PARP8: variants seen among roughly 807,000 people sequenced by gnomAD.
PARP8 encodes poly(ADP-ribose) polymerase family member 8.
In PARP8, 51 loss-of-function variants were observed where a neutral mutation model predicts 124.1. The observed-to-expected ratio is 0.41, with a 90% CI of 0.33 to 0.52. The LOEUF (loss-of-function observed/expected upper bound fraction) is 0.52. Ranked by LOEUF, PARP8 falls within the 20% of genes least tolerant of loss-of-function variation. The pLI is 0.21. For missense variants in PARP8, 860 were observed against 1,018.9 expected (o/e 0.84, Z 2.12); for synonymous variants, 391 against 361.5 (o/e 1.08, Z -0.93).
intron 7 of PARP8, among the ~76,000 whole-genome samples, chr5:50,766,286 T>C (rs1412876528): frequency 1.3e-5 from 2 of 152,196 alleles, no homozygotes; most frequent in African/African-American, 4.8e-5. Flanking sequence ...GTGAGTTAGG[T>C]CTTGGGGCAA....
intron 25 of PARP8, among the ~76,000 whole-genome samples, chr5:50,837,793 A>G (rs2149728306): frequency 6.6e-6 from 1 of 152,094 alleles, no homozygotes; most frequent in South Asian, 2.1e-4. Context: ...GAAGATATCA[A>G]TTAAAAAAAA....
chr5:50,756,161 A>G (rs1427914254), intron 3 of PARP8, among the ~76,000 whole-genome samples: 2 of 152,084 alleles, frequency 1.3e-5, no homozygotes, highest in Non-Finnish European at 2.9e-5. Flanking sequence ...TTGCTAATTG[A>G]ATACCCTTTA....
At chr5:50,779,630 A>G (rs1438562171) in intron 9 of PARP8, among the ~76,000 whole-genome samples, 3 of 152,194 alleles carry the variant, frequency 2.0e-5, no homozygotes. Flanking sequence ...TGAGTCTTTC[A>G]TTGTATTCTG....
chr5:50,797,487 C>T (rs1742691444), intron 14 of PARP8, among the ~76,000 whole-genome samples: 1 of 152,138 alleles, frequency 6.6e-6, no homozygotes, highest in Admixed American at 6.5e-5. Flanking sequence ...TATCCATCTA[C>T]ACCTATATCA....
chr5:50,841,400 G>A (rs1351929483), intron 25 of PARP8, among the ~76,000 whole-genome samples: 1 of 151,810 alleles, frequency 6.6e-6, no homozygotes, highest in East Asian at 1.9e-4. Flanking sequence ...TAGCAGGCTT[G>A]CATTCTTTTA....
At chr5:50,840,984 A>T (rs570633719) in intron 25 of PARP8, among the ~76,000 whole-genome samples, 1 of 152,050 alleles carries the variant, frequency 6.6e-6, no homozygotes, top group South Asian at 2.1e-4. Flanking sequence ...AAATGCAGTT[A>T]TCACTTGATG....
intron 18 of PARP8, among the ~76,000 whole-genome samples, chr5:50,825,370 C>A (rs1246361170): frequency 6.6e-6 from 1 of 152,148 alleles, no homozygotes; most frequent in Non-Finnish European, 1.5e-5. Context: ...TCTTTCTAAT[C>A]TAAAATAAAT....
rs760306355 is a variant in PARP8, at chr5:50,795,326, A to T, written c.1337A>T (p.Lys446Met). 15 of 1,614,172 alleles carry T rather than the reference A, an allele frequency of 9.3e-6. No individual in the cohort carries two copies. The highest frequency in any genetic ancestry group is 1.3e-5 in the Non-Finnish European group (15 of 1,180,028). ...AAGTCATCCAAAACTGAGCTTTTCA[A>T]GGAACCTAACGCAGAGGGCAGGAGG... Reference protein sequence around the residue: ...APKSSKTELFKEPNAEGRRLS... With the variant: ...APKSSKTELFMEPNAEGRRLS... The change falls in exon 12 of 26, where the codon AAG (lysine) becomes ATG (methionine). Residue 446 changes from lysine (K) to methionine (M), a missense_variant. Physicochemically the swap from Lys to Met is moderately conservative, Grantham distance 95. Coordinates refer to ENST00000281631, the MANE Select transcript of PARP8 (RefSeq NM_024615.4).
chr5:50,723,290 T>A (rs1199125478), intron 2 of PARP8, among the ~76,000 whole-genome samples: 1 of 152,124 alleles, frequency 6.6e-6, no homozygotes, highest in Non-Finnish European at 1.5e-5. Context: ...TAGGAAGCAA[T>A]GGAAAGGTAT....
chr5:50,830,725 C>G (rs1746864960), intron 22 of PARP8, among the ~76,000 whole-genome samples: 1 of 152,140 alleles, frequency 6.6e-6, no homozygotes, highest in South Asian at 2.1e-4. Flanking sequence ...TCCTTTACTA[C>G]AGCTTCAGTG....
At chr5:50,829,150 A>G (rs1336286512) in intron 21 of PARP8, among the ~76,000 whole-genome samples, 1 of 152,180 alleles carries the variant, frequency 6.6e-6, no homozygotes. Context: ...CCAGGACAGT[A>G]CTTGGTGTTA....
At chr5:50,747,158 G>T (rs373273399) in intron 2 of PARP8, among the ~76,000 whole-genome samples, 1,745 of 80,836 alleles carry the variant, frequency 0.022, 25 homozygotes, top group African/African-American at 0.052. Flanking sequence ...TTGTTTGTTT[G>T]TTTTGTTTTT....
rs568907704 is a variant in PARP8 at position 50,702,334 on chromosome 5, C to T, written c.146+34209C>T. Among the ~76,000 whole-genome samples the T allele has an allele frequency of 2.0e-5, 3 of 152,236 alleles. No homozygotes were observed. In the South Asian group the frequency reaches 6.2e-4, roughly 32 times the overall value. The stretch of plus-strand genomic sequence containing the variant: ...ACTTGATCTGTGATCCCTGATAAAG[C>T]ATAACAGTAGAAAAATCCTTTGATG... On this transcript the variant is annotated intron_variant, in intron 2 of 25. Coordinates refer to ENST00000281631, the MANE Select transcript of PARP8 (RefSeq NM_024615.4).
At chr5:50,744,794 A>G in intron 2 of PARP8, 1 of 700,694 alleles carries the variant, frequency 1.4e-6, no homozygotes, top group Non-Finnish European at 2.6e-6. Flanking sequence ...TTTTAAAAGG[A>G]ATTCAGAACT....
At chr5:50,730,847 G>T (rs1039432063) in intron 2 of PARP8, among the ~76,000 whole-genome samples, 15 of 152,266 alleles carry the variant, frequency 9.9e-5, no homozygotes, top group African/African-American at 3.6e-4. Context: ...AATAGATGAA[G>T]AAATTACTGC....
Position 50,806,438 on chromosome 5 carries a change from C to G in PARP8, c.1576-8994C>G, listed in dbSNP as rs540331871. ...TAGTTACTATTAGTATTCTTGGTGTCTCACTCCAAATTTTGTTTGACTTTA... is the reference window on the plus strand; with the variant it reads ...TAGTTACTATTAGTATTCTTGGTGTGTCACTCCAAATTTTGTTTGACTTTA... On this transcript the variant is annotated intron_variant, in intron 14 of 25. Transcript: ENST00000281631. Among the ~76,000 whole-genome samples, 172 of 152,042 alleles carry G rather than the reference C, an allele frequency of 1.1e-3. 1 individual carries two copies. Among genetic ancestry groups the G allele is most frequent in the African/African-American group, 4.0e-3 (167 of 41,496 alleles).
intron 3 of PARP8, among the ~76,000 whole-genome samples, chr5:50,757,919 T>G (rs1760138719): frequency 6.6e-6 from 1 of 152,170 alleles, no homozygotes; most frequent in Non-Finnish European, 1.5e-5. Flanking sequence ...CTTTTGTTTC[T>G]GTTGGTCTAA....
chr5:50,713,430 G>A (rs1239404437), intron 2 of PARP8, among the ~76,000 whole-genome samples: 1 of 151,864 alleles, frequency 6.6e-6, no homozygotes, highest in African/African-American at 2.4e-5. Context: ...TTGTAGAGAT[G>A]GGGTTTTGCC....
chr5:50,718,680 A>G (rs1755564633), intron 2 of PARP8, among the ~76,000 whole-genome samples: 1 of 151,906 alleles, frequency 6.6e-6, no homozygotes, highest in African/African-American at 2.4e-5. Flanking sequence ...ATAGTTTCCC[A>G]TTGTGTATCT....
Sources: gnomAD v4.1 joint callset for allele counts (sites outside exome capture counted in the v4.1 genomes callset) on GRCh38, gnomAD v4.1.1 for gene constraint, MANE v1.5 for transcripts, NCBI Gene and HGNC (gene_info 2026-07-23, HGNC 2026-07-21) for gene names.